SMC5: variants seen among roughly 807,000 people sequenced by gnomAD.
The protein encoded by SMC5 is structural maintenance of chromosomes protein 5.
SMC5 carries 88 observed loss-of-function variants against 148.3 expected under a neutral mutation model. The observed-to-expected ratio is 0.59, with a 90% CI of 0.50 to 0.71. The LOEUF (loss-of-function observed/expected upper bound fraction) is 0.71, where lower values mean the gene tolerates loss of function less well. Among genes scored for constraint, SMC5 ranks in the 30% least tolerant of loss-of-function variants. SMC5 has a pLI of 0.00. For synonymous variants in SMC5, 421 were observed against 432.8 expected, an observed-to-expected ratio of 0.97 and a Z score of 0.34; for missense variants, 1,142 against 1,298.9, an observed-to-expected ratio of 0.88 and a Z score of 1.86.
intron 1 of SMC5, 56 bp downstream of exon 1, chr9:70,259,319 C>T (rs2034024752): frequency 6.7e-7 from 1 of 1,482,632 alleles, no homozygotes; most frequent in South Asian, 1.3e-5. Context: ...CAGCAGGCCC[C>T]GGGGCTCCGG....
chr9:70,339,360 C>T (rs6560127), intron 17 of SMC5, among the ~76,000 whole-genome samples: 96,002 of 150,206 alleles, frequency 0.64, 31,286 homozygotes, highest in Non-Finnish European at 0.71. Flanking sequence ...ATCTGGGAGG[C>T]GGAGCTTGCA....
chr9:70,265,895 G>A (rs1217365803), intron 2 of SMC5, among the ~76,000 whole-genome samples: 1 of 152,176 alleles, frequency 6.6e-6, no homozygotes, highest in Non-Finnish European at 1.5e-5. Context: ...CTAACAAGCA[G>A]TTAACATATC....
chr9:70,264,230 G>A (rs2034212916), intron 1 of SMC5, 74 bp from the exon 2 acceptor site: 5 of 1,329,926 alleles, frequency 3.8e-6, no homozygotes, highest in Non-Finnish European at 5.1e-6. Context: ...ATTTGAGGAA[G>A]CTCATAGATA....
chr9:70,342,130 A>G (rs1050409862), intron 17 of SMC5, among the ~76,000 whole-genome samples: 4 of 151,542 alleles, frequency 2.6e-5, no homozygotes, highest in East Asian at 1.9e-4. Context: ...TCAGTAATCT[A>G]TCACAAGGAC....
intron 3 of SMC5, among the ~76,000 whole-genome samples, chr9:70,273,909 A>C (rs1181764440): frequency 6.6e-6 from 1 of 152,194 alleles, no homozygotes; most frequent in Non-Finnish European, 1.5e-5. Context: ...TTTGTGCATT[A>C]GTGCAAGTTT....
At chr9:70,282,277 C>T in intron 6 of SMC5, 145 bp from the exon 7 acceptor site, 1 of 714,348 alleles carries the variant, frequency 1.4e-6, no homozygotes, top group Non-Finnish European at 2.1e-6. Flanking sequence ...TGAAGTTGTC[C>T]CAGAGGACAA....
At chr9:70,319,111 T>C (rs1401885885) in intron 15 of SMC5, 148 bp downstream of exon 15, 9 of 725,508 alleles carry the variant, frequency 1.2e-5, no homozygotes, top group Non-Finnish European at 1.9e-5. Flanking sequence ...AACACAATTT[T>C]ATTCCATAGG....
chr9:70,300,908 A>AT (rs1045176292), intron 10 of SMC5, among the ~76,000 whole-genome samples: 7 of 152,056 alleles, frequency 4.6e-5, no homozygotes, highest in African/African-American at 1.4e-4. Flanking sequence ...TTGCTAGATA[A>AT]TTTTTTTTCT....
intron 9 of SMC5, among the ~76,000 whole-genome samples, chr9:70,298,699 A>G (rs963700041): frequency 6.6e-6 from 1 of 151,620 alleles, no homozygotes; most frequent in Non-Finnish European, 1.5e-5. Flanking sequence ...AAAAAATTTT[A>G]TATGTTTATC....
At chr9:70,314,881 C>A in intron 12 of SMC5, 45 bp downstream of exon 12, 4 of 1,130,234 alleles carry the variant, frequency 3.5e-6, no homozygotes, top group South Asian at 1.6e-5. Flanking sequence ...TTGAATTATT[C>A]AACATTTATT....
chr9:70,270,973 A>G (rs2034433959), intron 3 of SMC5, among the ~76,000 whole-genome samples: 1 of 152,106 alleles, frequency 6.6e-6, no homozygotes, highest in South Asian at 2.1e-4. Context: ...CAGGCTGAGT[A>G]TCCCTTATCT....
chr9:70,260,406 C>T (rs2034083627), intron 1 of SMC5, among the ~76,000 whole-genome samples: 1 of 152,174 alleles, frequency 6.6e-6, no homozygotes, highest in African/African-American at 2.4e-5. Context: ...CATGTCCGGC[C>T]GGAAGTCTTT....
At chr9:70,286,469 T>C (rs2034904619) in intron 8 of SMC5, among the ~76,000 whole-genome samples, 198 bp downstream of exon 8, 1 of 152,186 alleles carries the variant, frequency 6.6e-6, no homozygotes, top group Non-Finnish European at 1.5e-5. Context: ...TCAAAACTAC[T>C]AGCAGCTGTG....
At chr9:70,346,886 G>A (rs1476862958) in intron 19 of SMC5, among the ~76,000 whole-genome samples, 180 bp from the exon 20 acceptor site, 1 of 152,058 alleles carries the variant, frequency 6.6e-6, no homozygotes, top group Non-Finnish European at 1.5e-5. Flanking sequence ...CATACATTTT[G>A]TTTTCTTTAA....
chr9:70,261,028 T>C (rs1385703888), intron 1 of SMC5, among the ~76,000 whole-genome samples: 1 of 152,160 alleles, frequency 6.6e-6, no homozygotes, highest in African/African-American at 2.4e-5. Flanking sequence ...CATGAGCCAC[T>C]GCACCCGCCT....
chr9:70,309,539 C>T (rs2118518839), intron 11 of SMC5, among the ~76,000 whole-genome samples: 1 of 152,110 alleles, frequency 6.6e-6, no homozygotes, highest in Non-Finnish European at 1.5e-5. Flanking sequence ...GTAATTTCAG[C>T]AGTGTTCCCA....
rs1247164669 is a variant in SMC5 at position 70,354,582 on chromosome 9, G to A, written c.*2251G>A. 6.6e-6 allele frequency: 1 copy of A among 152,060 alleles called. No individual in the cohort carries two copies. The highest frequency in any genetic ancestry group is 2.4e-5 in the African/African-American group (1 of 41,404). 9.4% of individuals were successfully genotyped at this position (152,060 alleles called of 1,614,324 possible). On this transcript the variant is annotated 3_prime_UTR_variant, in exon 25 of 25. Coordinates refer to ENST00000361138, the MANE Select transcript of SMC5 (RefSeq NM_015110.4). Reference sequence around the variant, plus strand: ...AAAACTTCTAGTAAAAACTTGATTTGGTGAATACAGTTATATTTAAAAACC... The same window carrying A: ...AAAACTTCTAGTAAAAACTTGATTTAGTGAATACAGTTATATTTAAAAACC...
Position 70,291,755 on chromosome 9 carries a change from A to G in SMC5, c.1053+5484A>G, listed in dbSNP as rs144101425. Reference sequence around the variant, plus strand: ...GTCAAATACAAACAAGCCTTATACAACTAAGTTTTCCCAGGAAACTGCCGG... The same window carrying G: ...GTCAAATACAAACAAGCCTTATACAGCTAAGTTTTCCCAGGAAACTGCCGG... On this transcript the variant is annotated intron_variant, in intron 8 of 24. Transcript: ENST00000361138. Among the ~76,000 whole-genome samples, 25 of 152,282 alleles carry G rather than the reference A, an allele frequency of 1.6e-4. No individual in the cohort carries two copies. The East Asian group carries it at 4.6e-3, about 28-fold the overall frequency.
At chr9:70,342,571 A>G (rs900645618) in intron 17 of SMC5, among the ~76,000 whole-genome samples, 2 of 152,100 alleles carry the variant, frequency 1.3e-5, no homozygotes, top group Non-Finnish European at 2.9e-5. Context: ...TATTTCTCAG[A>G]AATCTGCTAG....
Sources: allele counts gnomAD v4.1 joint callset (sites outside exome capture counted in the v4.1 genomes callset), GRCh38; gene constraint gnomAD v4.1.1; transcripts MANE v1.5; gene names NCBI Gene and HGNC (gene_info 2026-07-23, HGNC 2026-07-21).